Variants in ENG observed in about 807,000 individuals in gnomAD.
ENG encodes the protein CD105 antigen.
A neutral mutation model predicts 71.0 loss-of-function variants in ENG; 17 were observed. The ratio of observed to expected loss-of-function variants is 0.24; its 90% confidence interval spans 0.16 to 0.36. The LOEUF is 0.36. Ranked by LOEUF, ENG falls within the 10% of genes least tolerant of loss-of-function variation. The pLI, the probability that ENG is intolerant of heterozygous loss-of-function variation, is 1.00. For missense variants in ENG, 749 were observed against 868.3 expected, an observed-to-expected ratio of 0.86 and a Z score of 1.73; for synonymous variants, 360 against 366.9, an observed-to-expected ratio of 0.98 and a Z score of 0.21.
rs863223538 is a variant in ENG at position 127,818,220 on chromosome 9, C to T, written c.1586G>A (p.Arg529His). ...GTAGAAGTGGAGGAGGAAGCTGAAG[C>T]GCGGGTCACCCTCGGGGCTTGGGGA... ...LLSPSPEGDPRFSFLLHFYTV... is the reference protein window; with the variant it reads ...LLSPSPEGDPHFSFLLHFYTV... Residue 529 changes from arginine to histidine, a missense_variant, in exon 12 of 15, where the codon CGC becomes CAC. Coordinates refer to ENST00000373203, the MANE Select transcript of ENG (RefSeq NM_001114753.3). 1.9e-6 allele frequency: 3 copies of T among 1,614,162 alleles called. No homozygotes were observed. Among genetic ancestry groups the T allele is most frequent in the African/African-American group, 1.3e-5 (1 of 75,038 alleles).
Position 127,824,832 on chromosome 9 carries a change from G to A in ENG, c.959C>T (p.Ala320Val). ...IVASFVELPL[A>V]SIVSLHASSC... ...GGAGGCATGAAGTGAGACAATGCTG[G>A]CCAGCGGTAGCTCCACGAAGGATGC... Residue 320 changes from alanine to valine, a missense_variant, in exon 7 of 15, where the codon GCC becomes GTC. Transcript: ENST00000373203. The A allele has an allele frequency of 1.3e-6, 2 of 1,590,788 alleles. No individual in the cohort carries two copies. Among genetic ancestry groups the A allele is most frequent in the African/African-American group, 1.3e-5 (1 of 74,278 alleles).
At chr9:127,823,180 C>T (rs936248976) in intron 8 of ENG, among the ~76,000 whole-genome samples, 1 of 151,902 alleles carries the variant, frequency 6.6e-6, no homozygotes, top group Non-Finnish European at 1.5e-5. Flanking sequence ...GAGTCTTGCT[C>T]TGTTGCCCAG....
intron 3 of ENG, among the ~76,000 whole-genome samples, chr9:127,827,732 C>T (rs1830657484): frequency 6.6e-6 from 1 of 152,104 alleles, no homozygotes; most frequent in Admixed American, 6.5e-5. Context: ...AAGAGACCCT[C>T]CTGGCCAGGC....
At chr9:127,816,394 A>G (rs905977034) in intron 13 of ENG, 1 of 416,546 alleles carries the variant, frequency 2.4e-6, no homozygotes, top group African/African-American at 2.0e-5. Context: ...CTGCTGCATG[A>G]CCTTGGGTCA....
intron 1 of ENG, among the ~76,000 whole-genome samples, chr9:127,848,507 T>C (rs4837190): frequency 0.99 from 151,207 of 152,290 alleles, 75,070 homozygotes; most frequent in Middle Eastern, 1. Flanking sequence ...TGGTCTTGAA[T>C]GCCTGGCCGC....
rs1318960032 is a variant in ENG, at chr9:127,815,489, G to T, written c.*193C>A. ...TGGGTTGAAGGTTCTGTGGGGTGGAGGGACCCCAAGGTGTTCCAAGCCAGT... is the reference window on the plus strand; with the variant it reads ...TGGGTTGAAGGTTCTGTGGGGTGGATGGACCCCAAGGTGTTCCAAGCCAGT... On this transcript the variant is annotated 3_prime_UTR_variant, in exon 15 of 15. Coordinates refer to ENST00000373203, the MANE Select transcript of ENG (RefSeq NM_001114753.3). The T allele has an allele frequency of 1.8e-6, 2 of 1,118,786 alleles. No homozygotes were observed. Among genetic ancestry groups the T allele is most frequent in the Non-Finnish European group, 2.5e-6 (2 of 812,890 alleles). 69.3% of individuals were successfully genotyped at this position (1,118,786 alleles called of 1,614,324 possible).
In ENG at chr9:127,838,292, G is replaced by T. The variant is rs956686477; in HGVS notation, c.219+4802C>A. 3.3e-5 allele frequency among the ~76,000 whole-genome samples: 5 copies of T among 152,208 alleles called. No homozygotes were observed. The highest frequency in any genetic ancestry group is 9.7e-5 in the African/African-American group (4 of 41,448). The stretch of plus-strand genomic sequence containing the variant: ...AGGGAGGGGTGCAGGTTTCAGGGGG[G>T]TACATCCCTTTGGCCCCACAGAGTC... On this transcript the variant is annotated intron_variant, in intron 2 of 14. Coordinates refer to ENST00000373203, the MANE Select transcript of ENG (RefSeq NM_001114753.3). The surrounding 1 kb of genome is among the most constrained non-coding windows in gnomAD (Gnocchi z 4.3).
intron 2 of ENG, among the ~76,000 whole-genome samples, chr9:127,833,169 G>A (rs1830809038): frequency 6.6e-6 from 1 of 152,176 alleles, no homozygotes; most frequent in African/African-American, 2.4e-5. Flanking sequence ...AGTGTCTATT[G>A]AAAGAATGAC....
Position 127,825,091 on chromosome 9 carries a change from C to G in ENG, c.817-117G>C. ...TGTGTCCCCACTCCTGCTGCGTCTTCTGCCTGGCCCCTTCCCTCACGTATG... is the reference window on the plus strand; with the variant it reads ...TGTGTCCCCACTCCTGCTGCGTCTTGTGCCTGGCCCCTTCCCTCACGTATG... On this transcript the variant is annotated intron_variant, in intron 6 of 14. Transcript: ENST00000373203. 1.1e-5 allele frequency: 17 copies of G among 1,589,502 alleles called. No individual in the cohort carries two copies. In the South Asian group the frequency reaches 1.9e-4, roughly 18 times the overall value.
rs375870845 is a variant in ENG at position 127,818,191 on chromosome 9, C to T, written c.1615G>A (p.Val539Ile). 2 of 1,614,074 alleles carry T rather than the reference C, an allele frequency of 1.2e-6. No homozygotes were observed. Among genetic ancestry groups the T allele is most frequent in the Non-Finnish European group, 1.7e-6 (2 of 1,180,038 alleles). The change falls in exon 12 of 15, where the codon GTA becomes ATA. Residue 539 changes from valine (V) to isoleucine (I), a missense_variant. Physicochemically the swap from Val to Ile is conservative, Grantham distance 29. Coordinates refer to ENST00000373203, the MANE Select transcript of ENG (RefSeq NM_001114753.3). Reference sequence around the variant, plus strand: ...AGGGTGCCGGTTTTGGGTATGGGTACTGTGTAGAAGTGGAGGAGGAAGCTG... The same window carrying T: ...AGGGTGCCGGTTTTGGGTATGGGTATTGTGTAGAAGTGGAGGAGGAAGCTG... Reference protein sequence around the residue: ...RFSFLLHFYTVPIPKTGTLSC... With the variant: ...RFSFLLHFYTIPIPKTGTLSC...
In ENG at chr9:127,843,261, C is replaced by G; in HGVS notation, c.68-16G>C. On this transcript the variant is annotated splice_polypyrimidine_tract_variant and intron_variant, in intron 1 of 14. Transcript: ENST00000373203. ...TCTGCAAGACCTGTTGGAGAAACATCCGGAAAGAGGCCAGGTGAGAATAAG... is the reference window on the plus strand; with the variant it reads ...TCTGCAAGACCTGTTGGAGAAACATGCGGAAAGAGGCCAGGTGAGAATAAG... The G allele has an allele frequency of 6.2e-7, 1 of 1,614,092 alleles. No individual in the cohort carries two copies.
rs1483485033 is a variant in ENG, at chr9:127,836,114, C to T, written c.220-6287G>A. 2.0e-5 allele frequency among the ~76,000 whole-genome samples: 3 copies of T among 152,240 alleles called. No homozygotes were observed. The highest frequency in any genetic ancestry group is 1.9e-4 in the East Asian group (1 of 5,202). On this transcript the variant is annotated intron_variant, in intron 2 of 14. Coordinates refer to ENST00000373203, the MANE Select transcript of ENG (RefSeq NM_001114753.3). The surrounding 1 kb of genome is among the most constrained non-coding windows in gnomAD (Gnocchi z 4.0). ...TCCCCACGGCCCTGACTCACCGCCA[C>T]GGCCACTCACACGCACACCGACTTC...
At chr9:127,818,568 C>T in intron 11 of ENG, 148 bp downstream of exon 11, 1 of 1,365,694 alleles carries the variant, frequency 7.3e-7, no homozygotes, top group Admixed American at 1.7e-5. Context: ...TGAGCAATGC[C>T]TTCTCTGTCT....
At chr9:127,829,951 A>G in intron 2 of ENG, 124 bp from the exon 3 acceptor site, 1 of 1,340,126 alleles carries the variant, frequency 7.5e-7, no homozygotes, top group Non-Finnish European at 1.0e-6. Flanking sequence ...GTCCACCCTC[A>G]CCTCCCAGTG....
At position 127,818,133 on chromosome 9, in the gene ENG, C is replaced by A. The variant is rs1830375417; in HGVS notation, c.1673G>T (p.Gly558Val). ...SCTVALRPKT[G>V]SQDQEVHRTV... ...GGCCCCACTCACCTGGTCTTGAGAC[C>A]CGGTCTTGGGACGCAGGGCTACCGT... is the stretch of plus-strand genomic sequence containing the variant. The change falls in exon 12 of 15, where the codon GGG becomes GTG. Residue 558 changes from glycine (G) to valine (V), a missense_variant. Physicochemically the swap from Gly to Val is moderately radical, Grantham distance 109. Coordinates refer to ENST00000373203, the MANE Select transcript of ENG (RefSeq NM_001114753.3). 1.2e-6 allele frequency: 2 copies of A among 1,614,096 alleles called. No individual in the cohort carries two copies. Among genetic ancestry groups the A allele is most frequent in the Non-Finnish European group, 1.7e-6 (2 of 1,180,062 alleles).
At chr9:127,839,406 C>G (rs970186984) in intron 2 of ENG, among the ~76,000 whole-genome samples, 49 of 152,132 alleles carry the variant, frequency 3.2e-4, no homozygotes, top group African/African-American at 1.2e-3. Context: ...TCAGTGGTCA[C>G]AGCAGTAGGG....
At chr9:127,853,040 G>A (rs1285893173) in intron 1 of ENG, among the ~76,000 whole-genome samples, 1 of 152,126 alleles carries the variant, frequency 6.6e-6, no homozygotes, top group Non-Finnish European at 1.5e-5. Flanking sequence ...CTGTAAAATG[G>A]GGATGATGAT....
intron 1 of ENG, among the ~76,000 whole-genome samples, chr9:127,847,654 T>C (rs1486877117): frequency 6.6e-6 from 1 of 152,120 alleles, no homozygotes; most frequent in Non-Finnish European, 1.5e-5. Context: ...TTCGCCGTAT[T>C]GCGCAGGCTG....
At chr9:127,848,261 C>T (rs928471160) in intron 1 of ENG, among the ~76,000 whole-genome samples, 4 of 151,954 alleles carry the variant, frequency 2.6e-5, no homozygotes, top group East Asian at 1.9e-4. Context: ...CCCAGACCAA[C>T]ACTCATCCTT....
Sources: gnomAD v4.1 joint callset for allele counts (sites outside exome capture counted in the v4.1 genomes callset) on GRCh38, gnomAD v4.1.1 for gene constraint, Gnocchi (gnomAD v3.1) non-coding constraint, MANE v1.5 for transcripts, NCBI Gene and HGNC (gene_info 2026-07-23, HGNC 2026-07-21) for gene names.